The following PAN3 variants were observed in gnomAD, a reference collection of about 807,000 sequenced individuals.
PAN3 encodes PAN2-PAN3 deadenylation complex subunit PAN3.
In PAN3, 19 loss-of-function variants were observed where a neutral mutation model predicts 96.2. The ratio of observed to expected loss-of-function variants is 0.20; its 90% confidence interval spans 0.14 to 0.29. The LOEUF is 0.29. Ranked by LOEUF, PAN3 falls within the 10% of genes least tolerant of loss-of-function variation. The pLI, the probability that PAN3 is intolerant of heterozygous loss-of-function variation, is 1.00. For missense variants in PAN3, 882 were observed against 1,108.1 expected (o/e 0.80, Z 2.90); for synonymous variants, 433 against 406.6 (o/e 1.06, Z -0.78).
At chr13:28,236,998 G>A (rs1438033345) in intron 6 of PAN3, among the ~76,000 whole-genome samples, 1 of 152,130 alleles carries the variant, frequency 6.6e-6, no homozygotes. Context: ...AAATCATATG[G>A]ATTCTTTTGT....
intron 1 of PAN3, among the ~76,000 whole-genome samples, chr13:28,166,444 C>T (rs1263447722): frequency 6.6e-6 from 1 of 152,194 alleles, no homozygotes; most frequent in Non-Finnish European, 1.5e-5. Flanking sequence ...CAGGGAACCA[C>T]GCCCTTATGG....
At chr13:28,223,646 C>T (rs1159983484) in intron 6 of PAN3, among the ~76,000 whole-genome samples, 4 of 151,580 alleles carry the variant, frequency 2.6e-5, no homozygotes, top group African/African-American at 9.7e-5. Context: ...TCACTGCAAC[C>T]TCCACCTCCT....
intron 1 of PAN3, among the ~76,000 whole-genome samples, chr13:28,152,523 G>C (rs1871495201): frequency 6.6e-6 from 1 of 152,062 alleles, no homozygotes; most frequent in Non-Finnish European, 1.5e-5. Flanking sequence ...GGCGGAGGTT[G>C]GAGTGAGCCG....
intron 5 of PAN3, 87 bp from the exon 6 acceptor site, chr13:28,220,141 TAAA>T: frequency 8.2e-7 from 1 of 1,219,140 alleles, no homozygotes; most frequent in Non-Finnish European, 1.1e-6. Context: ...TTTTACTTAG[TAAA>T]TAAAGCACTG....
intron 4 of PAN3, among the ~76,000 whole-genome samples, chr13:28,194,418 G>T (rs989254028): frequency 6.1e-4 from 89 of 145,414 alleles, no homozygotes; most frequent in African/African-American, 2.2e-3. Flanking sequence ...ATATATATAC[G>T]TGTGTGTGTG....
intron 5 of PAN3, among the ~76,000 whole-genome samples, chr13:28,218,009 A>G (rs1283257408): frequency 6.6e-6 from 1 of 152,034 alleles, no homozygotes; most frequent in Non-Finnish European, 1.5e-5. Context: ...TTTTAATGTG[A>G]TACTTGTTCT....
chr13:28,210,753 AC>A (rs562597524), intron 5 of PAN3, among the ~76,000 whole-genome samples: 201 of 152,262 alleles, frequency 1.3e-3, no homozygotes, highest in African/African-American at 4.5e-3. Flanking sequence ...AATAACAACA[AC>A]AAAAAAAACC....
rs555461190 is a variant in PAN3, at chr13:28,208,998, AC to A, written c.853-11231del. 3.1e-3 allele frequency among the ~76,000 whole-genome samples: 469 copies of A among 152,334 alleles called. 3 individuals are homozygous for A. The highest frequency in any genetic ancestry group is 0.011 in the African/African-American group (452 of 41,582). ...AACAACCTCCTCACCACCCGCAGAT[AC>A]CAAAATACTGGGGTGCTTAAGGCAT... On this transcript the variant is annotated intron_variant, in intron 5 of 18. Transcript: ENST00000380958.
chr13:28,216,952 C>T (rs1880848574), intron 5 of PAN3, among the ~76,000 whole-genome samples: 1 of 151,478 alleles, frequency 6.6e-6, no homozygotes, highest in African/African-American at 2.4e-5. Context: ...CCCATCTCCA[C>T]TAAAAACAAA....
At chr13:28,290,907 C>T (rs1312123666) in intron 18 of PAN3, among the ~76,000 whole-genome samples, 2 of 151,722 alleles carry the variant, frequency 1.3e-5, no homozygotes, top group Non-Finnish European at 2.9e-5. Flanking sequence ...TGGAATAAGC[C>T]ATGGACAGTT....
At chr13:28,181,378 T>C (rs1380105245) in intron 4 of PAN3, among the ~76,000 whole-genome samples, 2 of 151,698 alleles carry the variant, frequency 1.3e-5, no homozygotes, top group African/African-American at 4.8e-5. Flanking sequence ...GGAGTGGTGG[T>C]GAACGCCTGT....
At chr13:28,141,453 T>C (rs1403891648) in intron 1 of PAN3, among the ~76,000 whole-genome samples, 5 of 145,108 alleles carry the variant, frequency 3.4e-5, no homozygotes, top group Non-Finnish European at 1.5e-5. Flanking sequence ...ATTTTCTTTT[T>C]CTTTTTTTCT....
chr13:28,175,858 A>T (rs1874902341), intron 2 of PAN3, among the ~76,000 whole-genome samples: 1 of 152,188 alleles, frequency 6.6e-6, no homozygotes, highest in African/African-American at 2.4e-5. Context: ...TGCAGACATT[A>T]AATAAGAAGT....
At chr13:28,194,464 A>ATTT (rs1297200533) in intron 4 of PAN3, among the ~76,000 whole-genome samples, 67 of 106,688 alleles carry the variant, frequency 6.3e-4, no homozygotes, top group African/African-American at 2.0e-3. Context: ...ATATATATAT[A>ATTT]TATTTTTTTT....
intron 4 of PAN3, among the ~76,000 whole-genome samples, chr13:28,189,774 C>G (rs1304646044): frequency 2.6e-5 from 4 of 152,154 alleles, no homozygotes. Context: ...TTTAGAAACA[C>G]AGATTCTTAG....
chr13:28,230,242 G>A (rs776638764), intron 6 of PAN3, among the ~76,000 whole-genome samples: 11 of 151,934 alleles, frequency 7.2e-5, no homozygotes, highest in Non-Finnish European at 1.2e-4. Flanking sequence ...AGGAGTTGCC[G>A]ATGCTTAGTC....
intron 5 of PAN3, among the ~76,000 whole-genome samples, chr13:28,217,050 G>A (rs890663434): frequency 1.3e-5 from 2 of 151,268 alleles, no homozygotes; most frequent in African/African-American, 4.9e-5. Flanking sequence ...GGGGGCAGAA[G>A]TTGCAGTGAG....
At chr13:28,175,596 G>A (rs924431806) in intron 2 of PAN3, among the ~76,000 whole-genome samples, 2 of 152,122 alleles carry the variant, frequency 1.3e-5, no homozygotes, top group Admixed American at 1.3e-4. Context: ...TTAAGGGTTT[G>A]TATGAAACCA....
intron 7 of PAN3, 128 bp downstream of exon 7, chr13:28,256,667 A>T: frequency 9.8e-7 from 1 of 1,019,500 alleles, no homozygotes; most frequent in Non-Finnish European, 1.4e-6. Context: ...TCTAACTTAG[A>T]TGAGAAGTCT....
Sources: allele counts gnomAD v4.1 joint callset (sites outside exome capture counted in the v4.1 genomes callset), GRCh38; gene constraint gnomAD v4.1.1; transcripts MANE v1.5; gene names NCBI Gene and HGNC (gene_info 2026-07-23, HGNC 2026-07-21).